The following SCAND3 variants were observed in gnomAD, a reference collection of about 807,000 sequenced individuals.
SCAND3 encodes SCAN domain containing 3.
the SCAND3 span, among the ~76,000 whole-genome samples, chr6:28,601,969 CTCTT>C: frequency 2.0e-5 from 3 of 149,342 alleles, no homozygotes; most frequent in Admixed American, 6.6e-5. Flanking sequence ...ATTTCCCTCT[CTCTT>C]CTGACATAAT....
the SCAND3 span, chr6:28,579,288 G>T: frequency 6.2e-7 from 1 of 1,613,528 alleles, no homozygotes; most frequent in East Asian, 2.2e-5. This position sits in a 1 kb window ranked among gnomAD's most constrained non-coding sequence, Gnocchi z 4.5. Context: ...CTTGAAGTGG[G>T]TGTGGCTCTG....
chr6:28,575,934 T>A, the SCAND3 span: 1 of 1,613,746 alleles, frequency 6.2e-7, no homozygotes, highest in Non-Finnish European at 8.5e-7. The surrounding 1 kb of genome is among the most constrained non-coding windows in gnomAD (Gnocchi z 4.2). Flanking sequence ...CTTTAGCTTC[T>A]TTCACTTCCT....
the SCAND3 span, among the ~76,000 whole-genome samples, chr6:28,611,441 C>A: frequency 6.6e-6 from 1 of 152,208 alleles, no homozygotes; most frequent in East Asian, 1.9e-4. Flanking sequence ...GGAAGACAGG[C>A]CTTCCTAAAA....
chr6:28,593,379 G>GT, the SCAND3 span, among the ~76,000 whole-genome samples: 2,633 of 147,142 alleles, frequency 0.018, 26 homozygotes, highest in South Asian at 0.03. Flanking sequence ...ATTAGAATGA[G>GT]TTTTTTTTTT....
the SCAND3 span, chr6:28,590,767 A>G: frequency 6.6e-6 from 1 of 152,238 alleles, no homozygotes; most frequent in Admixed American, 6.5e-5. Flanking sequence ...ATTTTGAATT[A>G]CCATTGGTTA....
the SCAND3 span, among the ~76,000 whole-genome samples, chr6:28,612,817 T>C: frequency 6.6e-6 from 1 of 152,202 alleles, no homozygotes; most frequent in South Asian, 2.1e-4. Context: ...AAACATTCTA[T>C]TCTAGAATCC....
At chr6:28,597,137 A>G in the SCAND3 span, among the ~76,000 whole-genome samples, 1 of 152,228 alleles carries the variant, frequency 6.6e-6, no homozygotes, top group Non-Finnish European at 1.5e-5. Context: ...TTTAACTTAC[A>G]AGTATGATCA....
the SCAND3 span, among the ~76,000 whole-genome samples, chr6:28,605,428 A>T: frequency 6.6e-6 from 1 of 152,198 alleles, no homozygotes; most frequent in East Asian, 1.9e-4. Flanking sequence ...CAGACCAATG[A>T]CTGAAAAATA....
chr6:28,595,195 CAAAA>C, the SCAND3 span, among the ~76,000 whole-genome samples: 2 of 16,104 alleles, frequency 1.2e-4, no homozygotes, highest in Non-Finnish European at 2.7e-4. Context: ...CCGTCACTAC[CAAAA>C]AAAAAAAAAA....
the SCAND3 span, among the ~76,000 whole-genome samples, chr6:28,610,324 C>T: frequency 2.0e-5 from 3 of 152,084 alleles, no homozygotes; most frequent in African/African-American, 4.8e-5. Flanking sequence ...GAGTTCGAGA[C>T]CAGCCTGGCC....
chr6:28,607,140 C>T, the SCAND3 span, among the ~76,000 whole-genome samples: 1 of 152,176 alleles, frequency 6.6e-6, no homozygotes, highest in Admixed American at 6.5e-5. Flanking sequence ...AAATGCAAAG[C>T]AACCTGTCTG....
chr6:28,584,097 A>G, the SCAND3 span, among the ~76,000 whole-genome samples: 1 of 152,200 alleles, frequency 6.6e-6, no homozygotes, highest in African/African-American at 2.4e-5. Flanking sequence ...AATAAGTTTA[A>G]TGTTGAATCA....
At chr6:28,581,473 G>T in the SCAND3 span, among the ~76,000 whole-genome samples, 1 of 152,182 alleles carries the variant, frequency 6.6e-6, no homozygotes, top group Non-Finnish European at 1.5e-5. Context: ...ACAAATAGGG[G>T]TTTATTTTTG....
chr6:28,573,053 G>A, the SCAND3 span: 7 of 1,611,218 alleles, frequency 4.3e-6, no homozygotes, highest in East Asian at 1.6e-4. Flanking sequence ...GCTTCATACA[G>A]TTCTGAGCTA....
chr6:28,579,134 A>C, the SCAND3 span: 1 of 765,460 alleles, frequency 1.3e-6, no homozygotes, highest in Non-Finnish European at 2.1e-6. The surrounding 1 kb of genome is among the most constrained non-coding windows in gnomAD (Gnocchi z 4.5). Flanking sequence ...ATAACATTAC[A>C]CTATACTGAT....
At chr6:28,602,488 G>A in the SCAND3 span, among the ~76,000 whole-genome samples, 2 of 152,170 alleles carry the variant, frequency 1.3e-5, no homozygotes, top group African/African-American at 4.8e-5. Flanking sequence ...GATTACAGGC[G>A]TGAGCCACAG....
chr6:28,575,860 T>C, the SCAND3 span: 1 of 1,614,124 alleles, frequency 6.2e-7, no homozygotes, highest in Non-Finnish European at 8.5e-7. This position sits in a 1 kb window ranked among gnomAD's most constrained non-coding sequence, Gnocchi z 4.2. Flanking sequence ...CTCATTTCCT[T>C]GTACAAGGAT....
chr6:28,586,958 A>T, the SCAND3 span: 28 of 531,174 alleles, frequency 5.3e-5, no homozygotes, highest in Non-Finnish European at 8.6e-5. The surrounding 1 kb of genome is among the most constrained non-coding windows in gnomAD (Gnocchi z 4.4). Context: ...AATAGTGAGC[A>T]CAGAGCGACT....
At chr6:28,578,812 C>G in the SCAND3 span, among the ~76,000 whole-genome samples, 1 of 152,176 alleles carries the variant, frequency 6.6e-6, no homozygotes, top group African/African-American at 2.4e-5. Context: ...CCAGACTCCA[C>G]CTCTACTATA....
Sources: gnomAD v4.1 joint callset for allele counts (sites outside exome capture counted in the v4.1 genomes callset) on GRCh38, gnomAD v4.1.1 for gene constraint, Gnocchi (gnomAD v3.1) non-coding constraint, MANE v1.5 for transcripts, NCBI Gene and HGNC (gene_info 2026-07-23, HGNC 2026-07-21) for gene names.